The following KHDRBS3 variants were observed in gnomAD, a reference collection of about 807,000 sequenced individuals.
The protein encoded by KHDRBS3 is KH RNA binding domain containing, signal transduction associated 3.
Under a neutral mutation model 45.6 loss-of-function variants are expected in KHDRBS3, and 23 were observed. That is an observed-to-expected ratio of 0.50 (90% CI 0.36 to 0.72). The LOEUF is 0.72. Ranked by LOEUF, KHDRBS3 falls within the 30% of genes least tolerant of loss-of-function variation. KHDRBS3 has a pLI of 0.00. For missense variants in KHDRBS3, 352 were observed against 424.8 expected (o/e 0.83, Z 1.51); for synonymous variants, 162 against 156.5 (o/e 1.04, Z -0.26).
At chr8:135,600,785 G>A (rs565401636) in intron 6 of KHDRBS3, among the ~76,000 whole-genome samples, 35 of 152,274 alleles carry the variant, frequency 2.3e-4, no homozygotes, top group African/African-American at 7.7e-4. Context: ...TGCAGCCTCC[G>A]CCTCCCGGGT....
intron 7 of KHDRBS3, among the ~76,000 whole-genome samples, chr8:135,621,676 C>T (rs991327920): frequency 2.8e-5 from 4 of 143,814 alleles, no homozygotes; most frequent in African/African-American, 1.0e-4. Flanking sequence ...CCAGGCAAAC[C>T]AGAAGGAAGT....
chr8:135,600,161 CTTTA>C (rs1829145492), intron 6 of KHDRBS3, among the ~76,000 whole-genome samples: 1 of 152,188 alleles, frequency 6.6e-6, no homozygotes, highest in Non-Finnish European at 1.5e-5. Flanking sequence ...TATCTTGTAT[CTTTA>C]TTTATTGGTT....
At chr8:135,458,324 T>A in intron 1 of KHDRBS3, 1 of 478,300 alleles carries the variant, frequency 2.1e-6, no homozygotes, top group South Asian at 4.7e-5. Context: ...CTCGGGGAAG[T>A]AGGGCGTTTG....
Position 135,524,076 on chromosome 8 carries a change from C to T in KHDRBS3, c.207+2721C>T, listed in dbSNP as rs984335519. On this transcript the variant is annotated intron_variant, in intron 2 of 8. Coordinates refer to ENST00000355849, the MANE Select transcript of KHDRBS3 (RefSeq NM_006558.3). ...TGTTGCCCAGGCTGTAGTGCAGTCA[C>T]GCGACCTTGACTCACTGCAACCTCC... is the stretch of plus-strand genomic sequence containing the variant. Among the ~76,000 whole-genome samples, 9 of 151,976 alleles carry T rather than the reference C, an allele frequency of 5.9e-5. 1 individual carries two copies. The highest frequency in any genetic ancestry group is 1.3e-4 in the Admixed American group (2 of 15,256).
At chr8:135,624,998 A>G (rs1041940575) in intron 7 of KHDRBS3, among the ~76,000 whole-genome samples, 2 of 152,206 alleles carry the variant, frequency 1.3e-5, no homozygotes, top group African/African-American at 4.8e-5. Flanking sequence ...GCTACAAGGT[A>G]AAAGCTCCTG....
At chr8:135,487,427 T>G (rs1266924887) in intron 1 of KHDRBS3, among the ~76,000 whole-genome samples, 2 of 152,206 alleles carry the variant, frequency 1.3e-5, no homozygotes, top group Non-Finnish European at 2.9e-5. Flanking sequence ...TAGCAGATAC[T>G]GAACTCTGGG....
At chr8:135,540,484 A>T (rs1189126672) in intron 2 of KHDRBS3, 1 of 152,242 alleles carries the variant, frequency 6.6e-6, no homozygotes. Context: ...GCCCCTCCAC[A>T]CTCTAGCAAA....
intron 5 of KHDRBS3, among the ~76,000 whole-genome samples, chr8:135,571,410 A>G (rs1827697350): frequency 6.6e-6 from 1 of 152,224 alleles, no homozygotes; most frequent in Non-Finnish European, 1.5e-5. Flanking sequence ...GGTCATTAGT[A>G]TCACAGATTT....
Position 135,548,763 on chromosome 8 carries a change from T to A in KHDRBS3, c.334T>A (p.Leu112Met). The change falls in exon 4 of 9, where the codon TTG becomes ATG. Residue 112 changes from leucine (L) to methionine (M), a missense_variant. By Grantham distance (15) the Leu-to-Met change is conservative. Around this residue, in one of 6 missense-constraint regions of KHDRBS3, gnomAD observed 46 missense variants for 45.9 expected, o/e 1.00. Coordinates refer to ENST00000355849, the MANE Select transcript of KHDRBS3 (RefSeq NM_006558.3). ...SMRDKAKEEE[L>M]RKSGEAKYFH... is the part of the protein sequence containing the mutation. ...TTTTTCCTTTTTCCAGGAAGAAGAG[T>A]TGAGGAAAAGTGGAGAAGCGAAGTA... The A allele has an allele frequency of 6.5e-7, 1 of 1,539,252 alleles. No individual in the cohort carries two copies. The highest frequency in any genetic ancestry group is 8.7e-7 in the Non-Finnish European group (1 of 1,144,738).
intron 3 of KHDRBS3, among the ~76,000 whole-genome samples, chr8:135,548,523 G>A (rs1317862928): frequency 3.3e-5 from 5 of 152,142 alleles, no homozygotes; most frequent in Non-Finnish European, 7.4e-5. Context: ...TCTGGAGTGG[G>A]ACATTATTCC....
At chr8:135,561,414 T>G (rs1396001614) in intron 5 of KHDRBS3, among the ~76,000 whole-genome samples, 1 of 152,190 alleles carries the variant, frequency 6.6e-6, no homozygotes, top group Non-Finnish European at 1.5e-5. Context: ...GTAGATTCTT[T>G]GCCGAAAGTC....
intron 2 of KHDRBS3, 33 bp downstream of exon 2, chr8:135,521,388 T>G: frequency 8.4e-7 from 1 of 1,190,140 alleles, no homozygotes; most frequent in Non-Finnish European, 1.2e-6. Context: ...GCAGGTATTT[T>G]AACCTGAATC....
At position 135,472,566 on chromosome 8, in the gene KHDRBS3, G is replaced by A. The variant is rs1822068900; in HGVS notation, c.88+14612G>A. Among the ~76,000 whole-genome samples the A allele has an allele frequency of 2.0e-5, 3 of 152,234 alleles. 1 individual carries two copies. In the South Asian group the frequency reaches 6.2e-4, roughly 31 times the overall value. ...TGGAGAATAAAGCTAATGCAGGAAT[G>A]TGTGGAGAAATGGGACAAGAGGATT... On this transcript the variant is annotated intron_variant, in intron 1 of 8. Transcript: ENST00000355849.
chr8:135,638,604 G>A (rs902455142), intron 7 of KHDRBS3, among the ~76,000 whole-genome samples: 5 of 152,212 alleles, frequency 3.3e-5, no homozygotes, highest in Middle Eastern at 3.2e-3. Flanking sequence ...TGGATAGGAA[G>A]ACATAGCGTT....
At chr8:135,532,628 C>T (rs1200095604) in intron 2 of KHDRBS3, among the ~76,000 whole-genome samples, 2 of 152,002 alleles carry the variant, frequency 1.3e-5, no homozygotes, top group Non-Finnish European at 2.9e-5. Flanking sequence ...CTCATTTAAT[C>T]TTTATAACAT....
chr8:135,607,097 A>G, intron 7 of KHDRBS3, 60 bp downstream of exon 7: 9 of 1,337,404 alleles, frequency 6.7e-6, no homozygotes, highest in Non-Finnish European at 8.5e-6. Context: ...CCACATTCAT[A>G]TATTCTGGGA....
intron 1 of KHDRBS3, among the ~76,000 whole-genome samples, chr8:135,515,413 G>GTTTGCTA (rs937199101): frequency 5.2e-5 from 6 of 115,978 alleles, no homozygotes; most frequent in African/African-American, 1.8e-4. Context: ...GATTCCCTGT[G>GTTTGCTA]TTTGCTAAAG....
intron 1 of KHDRBS3, among the ~76,000 whole-genome samples, chr8:135,512,432 G>GGT (rs985614191): frequency 5.8e-5 from 8 of 137,106 alleles, no homozygotes; most frequent in South Asian, 2.6e-4. Flanking sequence ...GAAAAGTCGG[G>GGT]GGGGGGGTAA....
intron 5 of KHDRBS3, among the ~76,000 whole-genome samples, chr8:135,559,446 G>A (rs149501501): frequency 7.2e-4 from 110 of 152,188 alleles, no homozygotes; most frequent in Non-Finnish European, 1.3e-3. Context: ...TCCACCTCCC[G>A]GGTTCAAATA....
Sources: gnomAD v4.1 joint callset for allele counts (sites outside exome capture counted in the v4.1 genomes callset) on GRCh38, gnomAD v4.1.1 for gene constraint, gnomAD v4.1.1 regional missense constraint, MANE v1.5 for transcripts, NCBI Gene and HGNC (gene_info 2026-07-23, HGNC 2026-07-21) for gene names.